The following MTUS2 variants were observed in gnomAD, a reference collection of about 807,000 sequenced individuals.
The protein encoded by MTUS2 is microtubule associated scaffold protein 2.
In MTUS2, 40 loss-of-function variants were observed where a neutral mutation model predicts 114.1. That is an observed-to-expected ratio of 0.35 (90% CI 0.27 to 0.46). The LOEUF is 0.46. Ranked by LOEUF, MTUS2 falls within the 20% of genes least tolerant of loss-of-function variation. The pLI, the probability that MTUS2 is intolerant of heterozygous loss-of-function variation, is 1.00. For synonymous variants in MTUS2, 688 were observed against 672.0 expected, an observed-to-expected ratio of 1.02 and a Z score of -0.37; for missense variants, 1,679 against 1,705.4, an observed-to-expected ratio of 0.98 and a Z score of 0.27.
chr13:29,383,240 G>GTATATATATATATATATATATT (rs1224083355), intron 8 of MTUS2, among the ~76,000 whole-genome samples: 19 of 25,076 alleles, frequency 7.6e-4, no homozygotes, highest in African/African-American at 1.1e-3. Context: ...GTGTGTGTGT[G>GTATATATATATATATATATATT]TGTGTGTGTG....
intron 4 of MTUS2, among the ~76,000 whole-genome samples, 178 bp from the exon 5 acceptor site, chr13:29,100,595 C>A (rs1392465845): frequency 2.0e-5 from 3 of 152,116 alleles, no homozygotes; most frequent in Non-Finnish European, 4.4e-5. Context: ...AGGCACCTGA[C>A]CCACAATATA....
chr13:29,427,381 A>T (rs114735804), intron 8 of MTUS2, among the ~76,000 whole-genome samples: 275 of 152,314 alleles, frequency 1.8e-3, no homozygotes, highest in African/African-American at 6.2e-3. Flanking sequence ...AATCTAAAAT[A>T]TTCCACATTT....
intron 5 of MTUS2, among the ~76,000 whole-genome samples, chr13:29,148,458 CTG>C (rs1708385003): frequency 6.9e-6 from 1 of 145,738 alleles, no homozygotes; most frequent in Non-Finnish European, 1.5e-5. Flanking sequence ...TGAGAACATG[CTG>C]TGTTTGGTTT....
At chr13:29,108,183 C>T (rs983791197) in intron 5 of MTUS2, among the ~76,000 whole-genome samples, 9 of 152,154 alleles carry the variant, frequency 5.9e-5, no homozygotes, top group African/African-American at 2.2e-4. Context: ...TCATGTTCAT[C>T]GGCAATGAGA....
chr13:29,445,682 A>G (rs111836413), intron 9 of MTUS2, among the ~76,000 whole-genome samples: 16,651 of 152,050 alleles, frequency 0.11, 1,455 homozygotes, highest in African/African-American at 0.25. Context: ...CAAGGCAGGT[A>G]GATCACTTGA....
intron 5 of MTUS2, among the ~76,000 whole-genome samples, chr13:29,161,990 C>T (rs1893117622): frequency 6.6e-6 from 1 of 152,210 alleles, no homozygotes; most frequent in African/African-American, 2.4e-5. Flanking sequence ...TTCTCCCGAA[C>T]TGTGGATTCA....
intron 2 of MTUS2, among the ~76,000 whole-genome samples, chr13:28,840,709 G>A (rs1875415085): frequency 6.6e-6 from 1 of 152,178 alleles, no homozygotes; most frequent in African/African-American, 2.4e-5. Context: ...TGCCTTGTTG[G>A]GATTCAACTC....
At chr13:29,201,238 G>C (rs902822687) in intron 5 of MTUS2, among the ~76,000 whole-genome samples, 1 of 152,006 alleles carries the variant, frequency 6.6e-6, no homozygotes, top group African/African-American at 2.4e-5. Context: ...TCTTCTTGTT[G>C]CATTGATCCC....
chr13:29,311,812 A>G (rs1177189960), intron 6 of MTUS2, among the ~76,000 whole-genome samples: 2 of 152,206 alleles, frequency 1.3e-5, no homozygotes, highest in African/African-American at 4.8e-5. Flanking sequence ...TTCAATTACT[A>G]TCTAATCAAA....
At chr13:29,438,384 G>C (rs1297725917) in intron 8 of MTUS2, among the ~76,000 whole-genome samples, 1 of 152,088 alleles carries the variant, frequency 6.6e-6, no homozygotes, top group Admixed American at 6.6e-5. Flanking sequence ...TAAACTGGGT[G>C]GTTTATAAAT....
chr13:29,461,285 T>C (rs1216373987), intron 9 of MTUS2, among the ~76,000 whole-genome samples: 1 of 152,180 alleles, frequency 6.6e-6, no homozygotes, highest in Non-Finnish European at 1.5e-5. Context: ...AATCTATATA[T>C]GGAGGGCAGA....
intron 5 of MTUS2, among the ~76,000 whole-genome samples, chr13:29,208,597 T>A (rs1895293469): frequency 1.3e-5 from 2 of 152,120 alleles, no homozygotes; most frequent in South Asian, 4.1e-4. Context: ...AATGCTGGTT[T>A]TGTTGTATCC....
chr13:29,358,295 C>T (rs1319286771), intron 7 of MTUS2, among the ~76,000 whole-genome samples: 1 of 152,150 alleles, frequency 6.6e-6, no homozygotes, highest in Non-Finnish European at 1.5e-5. Context: ...GAGTGCTTTC[C>T]TCTGTGCTAT....
At chr13:28,922,975 A>G (rs1227315091) in intron 2 of MTUS2, among the ~76,000 whole-genome samples, 1 of 152,186 alleles carries the variant, frequency 6.6e-6, no homozygotes, top group African/African-American at 2.4e-5. Flanking sequence ...AACTCCAGCG[A>G]TACAAATGTT....
intron 5 of MTUS2, among the ~76,000 whole-genome samples, chr13:29,197,831 T>C (rs1894767097): frequency 6.6e-6 from 1 of 152,218 alleles, no homozygotes; most frequent in Non-Finnish European, 1.5e-5. Context: ...CGTTTTTTCA[T>C]ATGTTTGTTG....
chr13:29,490,093 T>A (rs896103071), intron 11 of MTUS2: 1 of 152,160 alleles, frequency 6.6e-6, no homozygotes, highest in Non-Finnish European at 1.5e-5. Context: ...AGCTAAAAAA[T>A]TTATTATTAT....
intron 5 of MTUS2, among the ~76,000 whole-genome samples, chr13:29,273,528 A>G (rs1460656564): frequency 6.6e-6 from 1 of 152,172 alleles, no homozygotes; most frequent in African/African-American, 2.4e-5. Flanking sequence ...TAGAGAAAAA[A>G]ATCTTTTGAG....
chr13:29,391,057 A>T (rs1399417379), intron 8 of MTUS2, among the ~76,000 whole-genome samples: 1 of 151,872 alleles, frequency 6.6e-6, no homozygotes, highest in Non-Finnish European at 1.5e-5. Context: ...GATTAGAGGC[A>T]TGAGCCACCG....
At chr13:29,402,293 T>C (rs967396026) in intron 8 of MTUS2, among the ~76,000 whole-genome samples, 6 of 152,150 alleles carry the variant, frequency 3.9e-5, no homozygotes, top group African/African-American at 9.7e-5. Flanking sequence ...CCAAATAGCA[T>C]GCTCTGTCCT....
Sources: gnomAD v4.1 joint callset for allele counts (sites outside exome capture counted in the v4.1 genomes callset) on GRCh38, gnomAD v4.1.1 for gene constraint, MANE v1.5 for transcripts, NCBI Gene and HGNC (gene_info 2026-07-23, HGNC 2026-07-21) for gene names.